MAP4K2: variants seen among roughly 807,000 people sequenced by gnomAD.
The protein encoded by MAP4K2 is B lymphocyte serine/threonine protein kinase.
MAP4K2 carries 85 observed loss-of-function variants against 125.3 expected under a neutral mutation model. The ratio of observed to expected loss-of-function variants is 0.68; its 90% CI spans 0.57 to 0.81. MAP4K2 has a LOEUF of 0.81. Among genes scored for constraint, MAP4K2 ranks in the 40% least tolerant of loss-of-function variants. The pLI, the probability that MAP4K2 is intolerant of heterozygous loss-of-function variation, is 0.00. For synonymous variants in MAP4K2, 479 were observed against 445.1 expected, an observed-to-expected ratio of 1.08 and a Z score of -0.96; for missense variants, 923 against 1,056.4, an observed-to-expected ratio of 0.87 and a Z score of 1.75.
In MAP4K2 at chr11:64,785,255, G is replaced by A. The variant is rs2136029069; in HGVS notation, c.*4282C>T. The A allele has an allele frequency of 6.6e-6, 1 of 152,378 alleles. No individual in the cohort carries two copies. The highest frequency in any genetic ancestry group is 1.9e-4 in the East Asian group (1 of 5,190). 9.4% of individuals were successfully genotyped at this position (152,378 alleles called of 1,614,324 possible). A position where few individuals can be genotyped will look rare whatever the true frequency, so the allele number is the denominator to read the frequency against. ...GAGGGTGGGCTTACCAAGGGCATGG[G>A]AAACTTTCCAGAGTGAAGGGGATGG... On this transcript the variant is annotated 3_prime_UTR_variant, in exon 32 of 32. Transcript: ENST00000294066.
In MAP4K2 at chr11:64,796,740, G is replaced by A. The variant is rs375657317; in HGVS notation, c.1493-27C>T. The A allele has an allele frequency of 2.0e-5, 33 of 1,613,782 alleles. No individual in the cohort carries two copies. In the African/African-American group the frequency reaches 3.2e-4, roughly 16 times the overall value. On this transcript the variant is annotated intron_variant, in intron 21 of 31. Coordinates refer to ENST00000294066, the MANE Select transcript of MAP4K2 (RefSeq NM_004579.5). Reference sequence around the variant, plus strand: ...TGCCAGTTTGGGCATGGGGTCAGAGGTCAGACATGGCCCCTGGCCCAAGCT... The same window carrying A: ...TGCCAGTTTGGGCATGGGGTCAGAGATCAGACATGGCCCCTGGCCCAAGCT...
Position 64,800,762 on chromosome 11 carries a change from A to C in MAP4K2, c.725+2T>G. 1 of 1,601,944 alleles carries C rather than the reference A, an allele frequency of 6.2e-7. No individual in the cohort carries two copies. Among genetic ancestry groups the C allele is most frequent in the East Asian group, 2.3e-5 (1 of 44,432 alleles). On this transcript the variant is annotated splice_donor_variant, in intron 10 of 31. Coordinates refer to ENST00000294066, the MANE Select transcript of MAP4K2 (RefSeq NM_004579.5). LOFTEE classifies it high-confidence loss of function. ...GTCCCGGCAGCAGGGTGTGGCCCTTACCAGCGAGTCTTATCTCTCAGTTTG... is the reference window on the plus strand; with the variant it reads ...GTCCCGGCAGCAGGGTGTGGCCCTTCCCAGCGAGTCTTATCTCTCAGTTTG...
At chr11:64,798,117 T>C (rs9285810) in intron 15 of MAP4K2, among the ~76,000 whole-genome samples, 148,372 of 152,168 alleles carry the variant, frequency 0.98, 72,451 homozygotes, top group Middle Eastern at 1. Context: ...TCAGCCACCC[T>C]AGTAGCTGGG....
chr11:64,790,100 T>G (rs1940385403), intron 29 of MAP4K2, 88 bp downstream of exon 29: 12 of 1,547,214 alleles, frequency 7.8e-6, no homozygotes, highest in Admixed American at 3.5e-5. Context: ...GGGATCTGCC[T>G]CCTCATCCTA....
At position 64,802,089 on chromosome 11, in the gene MAP4K2, A is replaced by T; in HGVS notation, c.343T>A (p.Tyr115Asn). Residue 115 changes from tyrosine to asparagine, a missense_variant, in exon 5 of 32, where the codon TAC becomes AAC. Tyr to Asn is a moderately radical substitution (Grantham distance 143). This residue lies in a region of MAP4K2 where 833 missense variants were observed against 911.4 expected (regional missense o/e 0.91). Coordinates refer to ENST00000294066, the MANE Select transcript of MAP4K2 (RefSeq NM_004579.5). ...ACCTTCAGTGCCTCTCGGCAGACGT[A>T]GGCAATCTGCCGCTCCTCCAGGGGC... is the stretch of plus-strand genomic sequence containing the variant. ...TGPLEERQIA[Y>N]VCREALKGLH... The T allele has an allele frequency of 6.2e-7, 1 of 1,612,920 alleles. No individual in the cohort carries two copies. The highest frequency in any genetic ancestry group is 8.5e-7 in the Non-Finnish European group (1 of 1,179,938).
intron 13 of MAP4K2, 52 bp downstream of exon 13, chr11:64,799,553 G>A: frequency 6.2e-7 from 1 of 1,608,318 alleles, no homozygotes; most frequent in African/African-American, 1.3e-5. Flanking sequence ...AAATCCATGT[G>A]CACACAGGCC....
chr11:64,801,289 G>A lies in MAP4K2; in HGVS notation c.458-106C>T, dbSNP rs534159598. 7.2e-6 allele frequency: 10 copies of A among 1,385,336 alleles called. No individual in the cohort carries two copies. The South Asian group carries it at 1.2e-4, about 17-fold the overall frequency. 85.8% of individuals were successfully genotyped at this position (1,385,336 alleles called of 1,614,324 possible). A position where few individuals can be genotyped will look rare whatever the true frequency, so the allele number is the denominator to read the frequency against. ...CCTGGCAGGGCTCAGACGGGCAGGT[G>A]GCCCCGCTTGGTCACAGCTGCCGCA... On this transcript the variant is annotated intron_variant, in intron 7 of 31. Transcript: ENST00000294066.
chr11:64,797,692 G>A lies in MAP4K2; in HGVS notation c.1098-28C>T, dbSNP rs772630872. 26 of 1,432,584 alleles carry A rather than the reference G, an allele frequency of 1.8e-5. No homozygotes were observed. The East Asian group carries it at 4.8e-4, about 27-fold the overall frequency. The allele number at this position is 1,432,584 out of a possible 1,614,324, so 88.7% of individuals were successfully genotyped here. ...GGGCAGTGGGGAAAAGGGGTCAGAG[G>A]TCAACCTTTCCTTTTTTTTTTTTTT... On this transcript the variant is annotated intron_variant, in intron 15 of 31. Transcript: ENST00000294066.
rs1413772180 is a variant in MAP4K2 at position 64,797,713 on chromosome 11, T to C, written c.1098-49A>G. ...AGAGGTCAACCTTTCCTTTTTTTTTTTTTTTTTTTTGAGACGGAGTCTCGC... is the reference window on the plus strand; with the variant it reads ...AGAGGTCAACCTTTCCTTTTTTTTTCTTTTTTTTTTGAGACGGAGTCTCGC... On this transcript the variant is annotated intron_variant, in intron 15 of 31. Transcript: ENST00000294066. The C allele has an allele frequency of 2.8e-6, 4 of 1,444,548 alleles. No individual in the cohort carries two copies. The South Asian group carries it at 5.6e-5, about 20-fold the overall frequency. 89.5% of individuals were successfully genotyped at this position (1,444,548 alleles called of 1,614,324 possible).
intron 5 of MAP4K2, 63 bp downstream of exon 5, chr11:64,802,003 T>A (rs1201954666): frequency 1.3e-6 from 2 of 1,529,408 alleles, no homozygotes; most frequent in Non-Finnish European, 1.8e-6. Context: ...CTGCTGGTCA[T>A]CTGGGCTCCT....
Position 64,796,320 on chromosome 11 carries a change from A to G in MAP4K2, c.1704T>C (p.Val568=), listed in dbSNP as rs1392705644. 6.5e-7 allele frequency: 1 copy of G among 1,548,574 alleles called. No homozygotes were observed. Among genetic ancestry groups the G allele is most frequent in the Admixed American group, 1.9e-5 (1 of 52,200 alleles). ...LFEQRRLQQQ[V]PLSIPTNRLT... Reference sequence around the variant, plus strand: ...GGCGGTTGGTGGGGATGGAGAGGGGAACCTGTTGCTGTAGCCTCCGCTGCT... The same window carrying G: ...GGCGGTTGGTGGGGATGGAGAGGGGGACCTGTTGCTGTAGCCTCCGCTGCT... Residue 568 remains valine (V), a synonymous_variant, in exon 24 of 32, where the codon GTT becomes GTC. Transcript: ENST00000294066.
In MAP4K2 at chr11:64,797,141, G is replaced by T. The variant is rs774754763; in HGVS notation, c.1328C>A (p.Thr443Lys). 3 of 1,614,018 alleles carry T rather than the reference G, an allele frequency of 1.9e-6. No individual in the cohort carries two copies. The highest frequency in any genetic ancestry group is 2.5e-6 in the Non-Finnish European group (3 of 1,180,030). ...SGPNSSPLLP[T>K]AWATMKQRED... ...CCGCTGCTTCATGGTGGCCCAGGCC[G>T]TGGGCAGCAGTGGGGAGCTGTTGGG... Residue 443 changes from threonine (T) to lysine (K), a missense_variant, in exon 19 of 32, where the codon ACG becomes AAG. Coordinates refer to ENST00000294066, the MANE Select transcript of MAP4K2 (RefSeq NM_004579.5).
chr11:64,793,454 G>A (rs540512663), intron 24 of MAP4K2, among the ~76,000 whole-genome samples: 77 of 152,316 alleles, frequency 5.1e-4, no homozygotes, highest in Non-Finnish European at 3.8e-4. Flanking sequence ...CGGGGTAGAA[G>A]TAGTGAGGAA....
rs1226013621 is a variant in MAP4K2 at position 64,790,862 on chromosome 11, G to A, written c.2093-400C>T. 2.0e-5 allele frequency among the ~76,000 whole-genome samples: 3 copies of A among 152,288 alleles called. No homozygotes were observed. In the South Asian group the frequency reaches 6.2e-4, roughly 32 times the overall value. ...TCAGGAATAAAATCCTGGGCTGGGCGCAGTGGCTCACACCTGTAATCCCAG... is the reference window on the plus strand; with the variant it reads ...TCAGGAATAAAATCCTGGGCTGGGCACAGTGGCTCACACCTGTAATCCCAG... On this transcript the variant is annotated intron_variant, in intron 27 of 31. Coordinates refer to ENST00000294066, the MANE Select transcript of MAP4K2 (RefSeq NM_004579.5).
intron 15 of MAP4K2, 128 bp from the exon 16 acceptor site, chr11:64,797,792 G>A (rs1252118831): frequency 1.2e-5 from 11 of 888,442 alleles, no homozygotes; most frequent in African/African-American, 9.5e-5. Context: ...TGCAAGCTCC[G>A]CCCCCCAAGT....
intron 24 of MAP4K2, among the ~76,000 whole-genome samples, chr11:64,793,176 A>C (rs1940602443): frequency 6.6e-6 from 1 of 152,016 alleles, no homozygotes; most frequent in Non-Finnish European, 1.5e-5. Context: ...AGATTGTGCC[A>C]TCGGACTCCA....
rs1196684824 is a variant in MAP4K2, at chr11:64,786,900, T to A, written c.*2637A>T. The A allele has an allele frequency of 6.8e-6, 1 of 146,552 alleles. No individual in the cohort carries two copies. The highest frequency in any genetic ancestry group is 2.5e-5 in the African/African-American group (1 of 40,132). 9.1% of individuals were successfully genotyped at this position (146,552 alleles called of 1,614,324 possible). A position where few individuals can be genotyped will look rare whatever the true frequency, so the allele number is the denominator to read the frequency against. The stretch of plus-strand genomic sequence containing the variant: ...ATACACAATGGAATACCACTAGCTG[T>A]AAAAAAAAAAAAATTTTTTTTTAAA... On this transcript the variant is annotated 3_prime_UTR_variant, in exon 32 of 32. Transcript: ENST00000294066.
In MAP4K2 at chr11:64,796,711, G is replaced by A; in HGVS notation, c.1495C>T (p.Gln499Ter). 6.2e-7 allele frequency: 1 copy of A among 1,614,038 alleles called. No homozygotes were observed. Among genetic ancestry groups the A allele is most frequent in the Non-Finnish European group, 8.5e-7 (1 of 1,180,024 alleles). Residue 499 changes from glutamine (Q) to a stop codon, truncating the protein, a stop_gained and splice_region_variant, in exon 22 of 32, where the codon CAG (glutamine) becomes TAG (stop). Coordinates refer to ENST00000294066, the MANE Select transcript of MAP4K2 (RefSeq NM_004579.5). LOFTEE classifies it high-confidence loss of function. ...TCCTCGGCCCCTACCACCAGGAACT[G>A]GTCTGCCAGTTTGGGCATGGGGTCA... is the stretch of plus-strand genomic sequence containing the variant. ...VTWIHPVTRD[Q>*]FLVVGAEEGI...
chr11:64,789,964 G>A lies in MAP4K2; in HGVS notation c.2249-5C>T. ...GCACACTGTCCTGCAGGCACACTAT[G>A]GGGGCCAGGCCACCATCAGCCCTGC... On this transcript the variant is annotated splice_region_variant and splice_polypyrimidine_tract_variant and intron_variant, in intron 29 of 31. Coordinates refer to ENST00000294066, the MANE Select transcript of MAP4K2 (RefSeq NM_004579.5). The A allele has an allele frequency of 6.2e-7, 1 of 1,613,002 alleles. No individual in the cohort carries two copies. Among genetic ancestry groups the A allele is most frequent in the South Asian group, 1.1e-5 (1 of 91,046 alleles).
Sources: gnomAD v4.1 joint callset for allele counts (sites outside exome capture counted in the v4.1 genomes callset) on GRCh38, gnomAD v4.1.1 for gene constraint, gnomAD v4.1.1 regional missense constraint, MANE v1.5 for transcripts, NCBI Gene and HGNC (gene_info 2026-07-23, HGNC 2026-07-21) for gene names.